Variants in TEC observed in about 807,000 individuals in gnomAD.
The protein encoded by TEC is tec protein tyrosine kinase.
TEC carries 72 observed loss-of-function variants against 93.0 expected under a neutral mutation model. That is an observed-to-expected ratio of 0.77 (90% CI 0.64 to 0.94). TEC has a LOEUF of 0.94. Among genes scored for constraint, TEC ranks in the 40% least tolerant of loss-of-function variants. The pLI, the probability that TEC is intolerant of heterozygous loss-of-function variation, is 0.00. For missense variants in TEC, 630 were observed against 757.9 expected, an observed-to-expected ratio of 0.83 and a Z score of 1.98; for synonymous variants, 249 against 247.7, an observed-to-expected ratio of 1.01 and a Z score of -0.05.
intron 15 of TEC, among the ~76,000 whole-genome samples, chr4:48,140,733 T>A (rs1444115554): frequency 6.6e-6 from 1 of 152,224 alleles, no homozygotes; most frequent in Admixed American, 6.5e-5. Context: ...TTTCATTTTT[T>A]TCATCCATTT....
chr4:48,264,279 AAG>A (rs1467024468), intron 1 of TEC, among the ~76,000 whole-genome samples: 1 of 152,186 alleles, frequency 6.6e-6, no homozygotes, highest in Non-Finnish European at 1.5e-5. Flanking sequence ...TCTTTTTAAA[AAG>A]CTGGATCCCA....
rs1232686369 is a variant in TEC at position 48,169,631 on chromosome 4, A to ATATACCGTTTCCT, written c.454+616_454+617insAGGAAACGGTATA. ...GAGCATTCTGCATGGCACCAGCAGGAAACGGTATATCCAATCATTACTATG... is the reference window on the plus strand; with the variant it reads ...GAGCATTCTGCATGGCACCAGCAGGATATACCGTTTCCTAACGGTATATCCAATCATTACTATG... On this transcript the variant is annotated intron_variant, in intron 5 of 17. Coordinates refer to ENST00000381501, the MANE Select transcript of TEC (RefSeq NM_003215.3). Among the ~76,000 whole-genome samples the ATATACCGTTTCCT allele has an allele frequency of 1.1e-4, 17 of 152,286 alleles. No individual in the cohort carries two copies. In the East Asian group the frequency reaches 2.7e-3, roughly 24 times the overall value.
chr4:48,159,693 C>T (rs1172313944), intron 8 of TEC, among the ~76,000 whole-genome samples: 1 of 152,020 alleles, frequency 6.6e-6, no homozygotes, highest in Admixed American at 6.6e-5. Flanking sequence ...GGATTACAGG[C>T]ACCCGCCACC....
At chr4:48,214,333 G>C (rs1256563679) in intron 2 of TEC, among the ~76,000 whole-genome samples, 3 of 152,178 alleles carry the variant, frequency 2.0e-5, no homozygotes, top group Non-Finnish European at 4.4e-5. Context: ...AAAAGGATTT[G>C]GGATGAGACT....
At chr4:48,185,781 C>CTCTCCCTCCCCCTCCCCCTCTCCCA (rs574488995) in intron 2 of TEC, among the ~76,000 whole-genome samples, 5 of 111,616 alleles carry the variant, frequency 4.5e-5, no homozygotes, top group East Asian at 5.8e-4. Context: ...AAGGCTCTCC[C>CTCTCCCTCCCCCTCCCCCTCTCCCA]TCTCCCTCCC....
rs1296460042 is a variant in TEC, at chr4:48,135,882, T to C, written c.*1534A>G. 6.6e-6 allele frequency: 1 copy of C among 152,224 alleles called. No homozygotes were observed. Among genetic ancestry groups the C allele is most frequent in the East Asian group, 1.9e-4 (1 of 5,180 alleles). The allele number at this position is 152,224 out of a possible 1,614,324, so 9.4% of individuals were successfully genotyped here. On this transcript the variant is annotated 3_prime_UTR_variant, in exon 18 of 18. Transcript: ENST00000381501. ...GATGGACTGCCTGGTGCACAGACTC[T>C]AGACTGACCAGGATGAAATGAAATG...
At chr4:48,220,660 A>G (rs1723230238) in intron 2 of TEC, among the ~76,000 whole-genome samples, 1 of 152,188 alleles carries the variant, frequency 6.6e-6, no homozygotes, top group African/African-American at 2.4e-5. Context: ...TAAATTACCC[A>G]GCCTCAAGTA....
intron 2 of TEC, among the ~76,000 whole-genome samples, chr4:48,184,175 C>T (rs1027107675): frequency 2.6e-5 from 4 of 152,142 alleles, no homozygotes; most frequent in Admixed American, 2.0e-4. Flanking sequence ...TTACTGTCAC[C>T]CCCATTTTGC....
chr4:48,178,212 T>C (rs772124738), intron 2 of TEC, among the ~76,000 whole-genome samples: 32 of 126,324 alleles, frequency 2.5e-4, no homozygotes, highest in Non-Finnish European at 5.0e-4. Context: ...GGCCTCAAAC[T>C]ACCAGTGCCC....
chr4:48,163,834 T>C (rs939551438), intron 7 of TEC, 67 bp from the exon 8 acceptor site: 2 of 854,278 alleles, frequency 2.3e-6, no homozygotes, highest in East Asian at 3.0e-5. Flanking sequence ...AAAGAAAGAT[T>C]ATTGCCTTTT....
chr4:48,268,104 C>A (rs777991731), intron 1 of TEC, among the ~76,000 whole-genome samples: 3 of 152,222 alleles, frequency 2.0e-5, no homozygotes, highest in Admixed American at 2.0e-4. Flanking sequence ...TTATTTTCCA[C>A]GGTTTGGTAA....
intron 2 of TEC, among the ~76,000 whole-genome samples, chr4:48,211,145 T>A (rs1722885735): frequency 6.6e-6 from 1 of 152,358 alleles, no homozygotes; most frequent in Non-Finnish European, 1.5e-5. Context: ...CCAGATAATC[T>A]GGCACAAGAG....
intron 2 of TEC, among the ~76,000 whole-genome samples, chr4:48,195,532 A>G (rs1722271297): frequency 6.6e-6 from 1 of 152,196 alleles, no homozygotes; most frequent in Admixed American, 6.5e-5. Flanking sequence ...AACTGCTCGT[A>G]CAGGTCGTGT....
rs186221917 is a variant in TEC at position 48,175,874 on chromosome 4, C to G, written c.243+208G>C. Among the ~76,000 whole-genome samples the G allele has an allele frequency of 1.9e-3, 285 of 152,300 alleles. 1 individual carries two copies. The highest frequency in any genetic ancestry group is 3.3e-3 in the Non-Finnish European group (223 of 68,016). ...CTCAGATTCATAGGGAACACTTCAA[C>G]CTCACTTTTCAGTCTTAGCCCCAAC... On this transcript the variant is annotated intron_variant, in intron 3 of 17. Coordinates refer to ENST00000381501, the MANE Select transcript of TEC (RefSeq NM_003215.3).
chr4:48,173,094 C>A (rs1274356885), intron 3 of TEC, among the ~76,000 whole-genome samples: 1 of 152,164 alleles, frequency 6.6e-6, no homozygotes, highest in Non-Finnish European at 1.5e-5. Flanking sequence ...TTAGAATCCT[C>A]TTTTTTCAAA....
chr4:48,144,934 G>T, intron 14 of TEC, 145 bp downstream of exon 14: 2 of 678,750 alleles, frequency 2.9e-6, no homozygotes, highest in Non-Finnish European at 5.2e-6. Flanking sequence ...AAATTACAGG[G>T]CAAGTTAAAT....
At chr4:48,165,758 C>A (rs1376696374) in intron 7 of TEC, among the ~76,000 whole-genome samples, 1 of 152,042 alleles carries the variant, frequency 6.6e-6, no homozygotes, top group Admixed American at 6.6e-5. Context: ...ATCAATAAAT[C>A]AAAAATGTAG....
chr4:48,141,207 T>C (rs1577692296), intron 15 of TEC, 148 bp downstream of exon 15: 1 of 662,410 alleles, frequency 1.5e-6, no homozygotes. Context: ...TGGAGAGAAT[T>C]ACTACCATCA....
chr4:48,212,743 G>A (rs1325079703), intron 2 of TEC, among the ~76,000 whole-genome samples: 5 of 152,172 alleles, frequency 3.3e-5, no homozygotes, highest in East Asian at 1.9e-4. Flanking sequence ...TGCAAACAAC[G>A]GTGGCACACA....
Sources: gnomAD v4.1 joint callset for allele counts (sites outside exome capture counted in the v4.1 genomes callset) on GRCh38, gnomAD v4.1.1 for gene constraint, MANE v1.5 for transcripts, NCBI Gene and HGNC (gene_info 2026-07-23, HGNC 2026-07-21) for gene names.